The following KCNH7 variants were observed in gnomAD, a reference collection of about 807,000 sequenced individuals.
KCNH7 encodes the protein voltage-gated inwardly rectifying potassium channel KCNH7.
A neutral mutation model predicts 120.8 loss-of-function variants in KCNH7; 49 were observed. The ratio of observed to expected loss-of-function variants is 0.41; its 90% confidence interval spans 0.32 to 0.51. The LOEUF is 0.51. Among genes scored for constraint, KCNH7 ranks in the 20% least tolerant of loss-of-function variants. The pLI is 0.38. For synonymous variants in KCNH7, 547 were observed against 516.1 expected (o/e 1.06, Z -0.81); for missense variants, 1,097 against 1,446.6 (o/e 0.76, Z 3.92).
intron 2 of KCNH7, among the ~76,000 whole-genome samples, chr2:162,606,511 T>G (rs2105962622): frequency 6.6e-6 from 1 of 152,310 alleles, no homozygotes; most frequent in South Asian, 2.1e-4. Flanking sequence ...CAACTCGCTG[T>G]TTTAAATCCT....
rs148005217 is a variant in KCNH7 at position 162,403,758 on chromosome 2, T to C, written c.2155-3317A>G. Among the ~76,000 whole-genome samples, 92 of 152,078 alleles carry C rather than the reference T, an allele frequency of 6.0e-4. No homozygotes were observed. The East Asian group carries it at 0.017, about 29-fold the overall frequency. On this transcript the variant is annotated intron_variant, in intron 9 of 15. Coordinates refer to ENST00000332142, the MANE Select transcript of KCNH7 (RefSeq NM_033272.4). ...CATAGATCACTGAAGTAAAACTCGATAAAATTAAGAGCCAGTTGTTGAATG... is the reference window on the plus strand; with the variant it reads ...CATAGATCACTGAAGTAAAACTCGACAAAATTAAGAGCCAGTTGTTGAATG...
rs182286222 is a variant in KCNH7 at position 162,598,526 on chromosome 2, G to C, written c.308-61446C>G. ...AAATCATAGCAGCATCTATAAACTA[G>C]CATGTGGGATATGTATTTTATGTGC... On this transcript the variant is annotated intron_variant, in intron 2 of 15. Transcript: ENST00000332142. Among the ~76,000 whole-genome samples the C allele has an allele frequency of 3.0e-3, 461 of 152,120 alleles. 2 individuals carry two copies. The highest frequency in any genetic ancestry group is 0.011 in the African/African-American group (439 of 41,520).
At chr2:162,721,062 C>T (rs760257694) in intron 2 of KCNH7, among the ~76,000 whole-genome samples, 15 of 152,136 alleles carry the variant, frequency 9.9e-5, no homozygotes, top group Non-Finnish European at 2.2e-4. Context: ...AAGCTACCAG[C>T]TTCTGATGCT....
intron 2 of KCNH7, among the ~76,000 whole-genome samples, chr2:162,542,850 A>G (rs1019597488): frequency 6.6e-6 from 1 of 152,134 alleles, no homozygotes; most frequent in Admixed American, 6.6e-5. Flanking sequence ...TGGTTGAACT[A>G]GTTCACAGTC....
intron 2 of KCNH7, among the ~76,000 whole-genome samples, chr2:162,714,816 T>C (rs1687053068): frequency 6.6e-6 from 1 of 152,222 alleles, no homozygotes; most frequent in South Asian, 2.1e-4. Context: ...ATATTATCCT[T>C]AAATTTTAAT....
intron 2 of KCNH7, among the ~76,000 whole-genome samples, chr2:162,774,319 G>T (rs1683160664): frequency 6.6e-6 from 1 of 151,908 alleles, no homozygotes; most frequent in South Asian, 2.1e-4. Context: ...CTTTTATAAT[G>T]ATTAGCAAAA....
At chr2:162,814,873 C>T (rs73972026) in intron 2 of KCNH7, among the ~76,000 whole-genome samples, 11 of 152,092 alleles carry the variant, frequency 7.2e-5, no homozygotes, top group Non-Finnish European at 1.2e-4. Flanking sequence ...TTATTCCAAG[C>T]CTTCTACTAA....
intron 2 of KCNH7, among the ~76,000 whole-genome samples, chr2:162,703,613 A>T (rs991232264): frequency 2.0e-5 from 3 of 152,180 alleles, no homozygotes; most frequent in African/African-American, 7.2e-5. Flanking sequence ...AATGTTAAAC[A>T]TTGTATAAGA....
chr2:162,657,430 G>C (rs894195941), intron 2 of KCNH7, among the ~76,000 whole-genome samples: 8 of 152,056 alleles, frequency 5.3e-5, no homozygotes, highest in African/African-American at 1.9e-4. Context: ...TTTTCAAATA[G>C]GCGTTTTCAC....
intron 6 of KCNH7, among the ~76,000 whole-genome samples, chr2:162,455,567 T>C (rs1688935997): frequency 1.3e-5 from 2 of 152,198 alleles, no homozygotes; most frequent in Non-Finnish European, 2.9e-5. Flanking sequence ...CGTCTGGTCC[T>C]GGGCTTTTTT....
intron 2 of KCNH7, among the ~76,000 whole-genome samples, chr2:162,591,527 G>A (rs1694216769): frequency 6.6e-6 from 1 of 152,010 alleles, no homozygotes; most frequent in South Asian, 2.1e-4. Flanking sequence ...CCCCATGCAA[G>A]GGATAAGATA....
chr2:162,420,383 A>G (rs1273284603), intron 9 of KCNH7, among the ~76,000 whole-genome samples: 1 of 152,132 alleles, frequency 6.6e-6, no homozygotes, highest in Non-Finnish European at 1.5e-5. Flanking sequence ...CTCAAAAACA[A>G]AAACAAAAAC....
chr2:162,533,964 A>C (rs1359291092), intron 3 of KCNH7, among the ~76,000 whole-genome samples: 1 of 151,622 alleles, frequency 6.6e-6, no homozygotes, highest in East Asian at 1.9e-4. Context: ...GAAATAATAC[A>C]AACAGCATTT....
intron 2 of KCNH7, among the ~76,000 whole-genome samples, chr2:162,782,369 GA>G (rs1428988850): frequency 5.9e-5 from 9 of 152,192 alleles, no homozygotes; most frequent in Admixed American, 5.9e-4. Flanking sequence ...GCTTTTCTGA[GA>G]AGTCGACATT....
intron 2 of KCNH7, among the ~76,000 whole-genome samples, chr2:162,566,136 T>C (rs1007604923): frequency 6.6e-6 from 1 of 151,980 alleles, no homozygotes; most frequent in African/African-American, 2.4e-5. Flanking sequence ...CGCTGCCTTT[T>C]GGGGAATCTA....
At position 162,512,650 on chromosome 2, in the gene KCNH7, T is replaced by C. The variant is rs1420945557; in HGVS notation, c.913+4A>G. The C allele has an allele frequency of 3.7e-6, 6 of 1,608,800 alleles. No homozygotes were observed. Among genetic ancestry groups the C allele is most frequent in the Non-Finnish European group, 5.1e-6 (6 of 1,176,852 alleles). ...AGATGGTGAAATTTGAGTTTGTACA[T>C]TACCTTTGACATTGCGACCATTGTC... On this transcript the variant is annotated splice_donor_region_variant and intron_variant, in intron 5 of 15. Transcript: ENST00000332142.
intron 3 of KCNH7, among the ~76,000 whole-genome samples, chr2:162,533,724 A>C (rs1692012062): frequency 6.6e-6 from 1 of 151,786 alleles, no homozygotes; most frequent in Non-Finnish European, 1.5e-5. Context: ...AAATATTCTA[A>C]CAGTAGAAGA....
At chr2:162,750,314 AGAG>A (rs1688494401) in intron 2 of KCNH7, among the ~76,000 whole-genome samples, 1 of 152,110 alleles carries the variant, frequency 6.6e-6, no homozygotes, top group South Asian at 2.1e-4. Flanking sequence ...TTAATCTCAC[AGAG>A]AAGAAAAAAA....
intron 3 of KCNH7, among the ~76,000 whole-genome samples, chr2:162,521,624 TG>T (rs1295204893): frequency 3.3e-5 from 5 of 151,876 alleles, no homozygotes; most frequent in African/African-American, 1.2e-4. Context: ...TTAATTATTA[TG>T]GATATAGAGT....
Sources: allele counts gnomAD v4.1 joint callset (sites outside exome capture counted in the v4.1 genomes callset), GRCh38; gene constraint gnomAD v4.1.1; transcripts MANE v1.5; gene names NCBI Gene and HGNC (gene_info 2026-07-23, HGNC 2026-07-21).